Variants in SNAP91 observed in about 807,000 individuals in gnomAD.
The protein encoded by SNAP91 is clathrin coat assembly protein AP180.
Under a neutral mutation model 100.3 loss-of-function variants are expected in SNAP91, and 27 were observed. That is an observed-to-expected ratio of 0.27 (90% CI 0.20 to 0.37). The LOEUF is 0.37. SNAP91 is among the 10% of genes least tolerant of loss of function. The probability of loss-of-function intolerance (pLI) is 1.00; values close to 1 mark genes in which losing one functional copy is unlikely to be tolerated. For missense variants in SNAP91, 986 were observed against 1,123.7 expected (o/e 0.88, Z 1.75); for synonymous variants, 404 against 398.6 (o/e 1.01, Z -0.16).
rs1476527450 is a variant in SNAP91 at position 83,582,321 on chromosome 6, G to C, written c.2050C>G (p.Pro684Ala). The C allele has an allele frequency of 1.2e-6, 2 of 1,613,356 alleles. No individual in the cohort carries two copies. Among genetic ancestry groups the C allele is most frequent in the African/African-American group, 2.7e-5 (2 of 74,850 alleles). Residue 684 changes from proline (P) to alanine (A), a missense_variant, in exon 23 of 30, where the codon CCA (proline) becomes GCA (alanine). This residue lies in a region of SNAP91 where 575 missense variants were observed against 579.9 expected (regional missense o/e 0.99). Transcript: ENST00000369694. ...GGSFMAPSPS[P>A]VTPAQNNLLQ... ...AGGTTATTCTGAGCTGGAGTCACTG[G>C]AGATGGGGAAGGCGCCATGAAAGAA...
At chr6:83,571,451 G>A (rs765872355) in intron 26 of SNAP91, among the ~76,000 whole-genome samples, 10 of 152,138 alleles carry the variant, frequency 6.6e-5, no homozygotes, top group Non-Finnish European at 1.0e-4. Context: ...AAGACTTGGC[G>A]TCAAAGGAGA....
intron 7 of SNAP91, among the ~76,000 whole-genome samples, chr6:83,643,860 T>G (rs371110410): frequency 4.7e-4 from 72 of 152,256 alleles, no homozygotes; most frequent in African/African-American, 1.7e-3. Flanking sequence ...TGCTAGGAGT[T>G]TAGAGAAAAG....
At chr6:83,698,453 G>A (rs183172916) in intron 2 of SNAP91, among the ~76,000 whole-genome samples, 360 of 152,194 alleles carry the variant, frequency 2.4e-3, no homozygotes, top group African/African-American at 8.1e-3. Context: ...AGCCCTGTGG[G>A]GAACAGGGGA....
At chr6:83,662,872 C>A (rs1259277316) in intron 3 of SNAP91, among the ~76,000 whole-genome samples, 1 of 152,070 alleles carries the variant, frequency 6.6e-6, no homozygotes, top group Admixed American at 6.6e-5. Context: ...AGGCATATCT[C>A]ATTTTATTGA....
chr6:83,616,114 A>C (rs1018400672), intron 10 of SNAP91, among the ~76,000 whole-genome samples: 59 of 149,902 alleles, frequency 3.9e-4, no homozygotes, highest in African/African-American at 1.5e-3. Context: ...TCATACATGT[A>C]AAAAAAGAAA....
intron 21 of SNAP91, among the ~76,000 whole-genome samples, chr6:83,592,075 T>G (rs577652622): frequency 3.0e-4 from 46 of 152,340 alleles, no homozygotes; most frequent in South Asian, 2.9e-3. Context: ...CTAAATTATC[T>G]ATTAATAGGT....
chr6:83,593,764 C>A, intron 17 of SNAP91, 23 bp from the exon 18 acceptor site: 2 of 1,539,122 alleles, frequency 1.3e-6, no homozygotes, highest in Admixed American at 2.0e-5. Flanking sequence ...AAAGTGGAGA[C>A]ACACACAGCA....
intron 11 of SNAP91, among the ~76,000 whole-genome samples, chr6:83,611,713 T>C (rs1305994488): frequency 6.6e-6 from 1 of 151,866 alleles, no homozygotes; most frequent in African/African-American, 2.4e-5. Context: ...TTTTTTTTTT[T>C]TGAGACGGAG....
chr6:83,611,288 T>C, intron 11 of SNAP91: 1 of 325,504 alleles, frequency 3.1e-6, no homozygotes, highest in South Asian at 2.4e-5. Context: ...TAGTGGGAGC[T>C]AGGAAAAAAA....
intron 2 of SNAP91, among the ~76,000 whole-genome samples, chr6:83,695,754 C>A (rs938380986): frequency 1.3e-5 from 2 of 152,122 alleles, no homozygotes. Flanking sequence ...ACAGCACTAT[C>A]CTACGAAATG....
intron 2 of SNAP91, among the ~76,000 whole-genome samples, chr6:83,679,619 C>A (rs559074622): frequency 2.6e-5 from 4 of 152,250 alleles, no homozygotes; most frequent in Admixed American, 2.6e-4. Flanking sequence ...TCTCTTCTAT[C>A]CAACAGGTAG....
chr6:83,656,668 AGT>A, intron 7 of SNAP91, 84 bp downstream of exon 7: 1 of 613,366 alleles, frequency 1.6e-6, no homozygotes, highest in South Asian at 2.2e-5. Context: ...TTGCCCACCA[AGT>A]GAGACAACAG....
rs556647314 is a variant in SNAP91 at position 83,557,373 on chromosome 6, A to G, written c.2632-1128T>C. Among the ~76,000 whole-genome samples the G allele has an allele frequency of 3.3e-5, 5 of 152,180 alleles. No individual in the cohort carries two copies. In the East Asian group the frequency reaches 9.7e-4, roughly 29 times the overall value. On this transcript the variant is annotated intron_variant, in intron 28 of 29. Transcript: ENST00000369694. ...TATCTGTCAAATTTCCATGTTTAAA[A>G]CTGGGATATGGGCTGGGTGTGATGG...
chr6:83,591,036 A>G lies in SNAP91; in HGVS notation c.2014+175T>C, dbSNP rs193062951. 6.1e-3 allele frequency among the ~76,000 whole-genome samples: 928 copies of G among 152,314 alleles called. 7 individuals carry two copies. The highest frequency in any genetic ancestry group is 0.021 in the African/African-American group (882 of 41,566). ...GGGGTATGATTGATCCTGTCACCCA[A>G]GTAATAAGCATAGTACCCAACAGTC... On this transcript the variant is annotated intron_variant, in intron 22 of 29. Transcript: ENST00000369694.
intron 22 of SNAP91, among the ~76,000 whole-genome samples, chr6:83,590,345 G>C (rs575447175): frequency 5.3e-5 from 8 of 152,264 alleles, no homozygotes; most frequent in Non-Finnish European, 1.0e-4. Flanking sequence ...CTATCACTAA[G>C]CACACACTTT....
intron 2 of SNAP91, among the ~76,000 whole-genome samples, chr6:83,678,186 C>G (rs91894): frequency 0.37 from 56,503 of 151,856 alleles, 11,199 homozygotes; most frequent in South Asian, 0.5. Flanking sequence ...AAGTAAACTT[C>G]AGGAGTTTAC....
intron 26 of SNAP91, among the ~76,000 whole-genome samples, chr6:83,573,281 A>C (rs1022470298): frequency 2.0e-5 from 3 of 152,236 alleles, no homozygotes; most frequent in Non-Finnish European, 1.5e-5. Context: ...ACTACAAACC[A>C]CTGCTCAACG....
chr6:83,670,435 T>A (rs2098763484), intron 2 of SNAP91, among the ~76,000 whole-genome samples: 1 of 151,904 alleles, frequency 6.6e-6, no homozygotes, highest in South Asian at 2.1e-4. Flanking sequence ...CTGGATCAAG[T>A]CCTCTATCAT....
chr6:83,643,293 G>C (rs28488663), intron 7 of SNAP91, among the ~76,000 whole-genome samples: 1 of 152,106 alleles, frequency 6.6e-6, no homozygotes, highest in African/African-American at 2.4e-5. Context: ...GTATTGCCTA[G>C]GTTTTCTTCT....
Sources: allele counts gnomAD v4.1 joint callset (sites outside exome capture counted in the v4.1 genomes callset), GRCh38; gene constraint gnomAD v4.1.1; regional missense constraint gnomAD v4.1.1; transcripts MANE v1.5; gene names NCBI Gene and HGNC (gene_info 2026-07-23, HGNC 2026-07-21).